The following TCF4 variants were observed in gnomAD, a reference collection of about 807,000 sequenced individuals.
TCF4 encodes the protein transcription factor 4.
A neutral mutation model predicts 82.1 loss-of-function variants in TCF4; 3 were observed. The observed-to-expected ratio is 0.04, with a 90% CI of 0.02 to 0.09. TCF4 has a LOEUF of 0.09. TCF4 is among the 10% of genes least tolerant of loss of function. The pLI, the probability that TCF4 is intolerant of heterozygous loss-of-function variation, is 1.00. For missense variants in TCF4, 518 were observed against 852.7 expected (o/e 0.61, Z 4.89); for synonymous variants, 276 against 309.6 (o/e 0.89, Z 1.14).
chr18:55,480,820 T>C (rs1476492725), intron 3 of TCF4, among the ~76,000 whole-genome samples: 1 of 152,188 alleles, frequency 6.6e-6, no homozygotes, highest in African/African-American at 2.4e-5. Context: ...TGGTGGCTTA[T>C]GGGCCGGGTG....
At chr18:55,272,124 C>A (rs1245370798) in intron 10 of TCF4, among the ~76,000 whole-genome samples, 1 of 152,008 alleles carries the variant, frequency 6.6e-6, no homozygotes, top group Admixed American at 6.6e-5. Context: ...TGGGATTTGA[C>A]AAAGGGTTAA....
chr18:55,273,320 A>C (rs1258685304), intron 10 of TCF4, among the ~76,000 whole-genome samples: 1 of 152,186 alleles, frequency 6.6e-6, no homozygotes, highest in African/African-American at 2.4e-5. Context: ...AGATAATATC[A>C]ACTTGGCCAA....
At chr18:55,556,890 T>C (rs1475592673) in intron 3 of TCF4, among the ~76,000 whole-genome samples, 2 of 152,184 alleles carry the variant, frequency 1.3e-5, no homozygotes, top group Non-Finnish European at 2.9e-5. Flanking sequence ...CAGGTTAATA[T>C]AATCTAAACA....
chr18:55,514,778 A>G (rs2096864619), intron 3 of TCF4, among the ~76,000 whole-genome samples: 1 of 152,148 alleles, frequency 6.6e-6, no homozygotes, highest in Admixed American at 6.5e-5. Context: ...ACGTAAAAAT[A>G]TATGGATGCA....
chr18:55,533,448 T>C (rs1346362188), intron 3 of TCF4, among the ~76,000 whole-genome samples: 3 of 152,170 alleles, frequency 2.0e-5, no homozygotes, highest in Non-Finnish European at 2.9e-5. Flanking sequence ...AATGTTATCC[T>C]GAGAGGGTGG....
At chr18:55,478,899 T>A (rs959505942) in intron 3 of TCF4, among the ~76,000 whole-genome samples, 1 of 150,782 alleles carries the variant, frequency 6.6e-6, no homozygotes, top group Admixed American at 6.7e-5. Flanking sequence ...AAATATTATA[T>A]TGGTGGGAAA....
At chr18:55,337,401 A>C (rs1392237788) in intron 8 of TCF4, among the ~76,000 whole-genome samples, 1 of 152,200 alleles carries the variant, frequency 6.6e-6, no homozygotes, top group Non-Finnish European at 1.5e-5. Context: ...CTAAACATAC[A>C]ATTCGCTCAA....
At chr18:55,242,712 C>T (rs2051676935) in intron 15 of TCF4, among the ~76,000 whole-genome samples, 1 of 151,664 alleles carries the variant, frequency 6.6e-6, no homozygotes, top group African/African-American at 2.4e-5. Context: ...CGGGTTCAAG[C>T]GATTCTCCTG....
chr18:55,529,940 G>A (rs920048298), intron 3 of TCF4, among the ~76,000 whole-genome samples: 3 of 151,980 alleles, frequency 2.0e-5, no homozygotes, highest in Non-Finnish European at 2.9e-5. Context: ...AGGACCTAAC[G>A]CAGTTTTGTG....
At chr18:55,232,222 AATAAGT>A (rs1482878602) in intron 17 of TCF4, 1 of 340,512 alleles carries the variant, frequency 2.9e-6, no homozygotes, top group African/African-American at 2.1e-5. Flanking sequence ...AAATTTGTAG[AATAAGT>A]ATAGTTTTAC....
At chr18:55,437,121 C>T (rs895582372) in intron 5 of TCF4, among the ~76,000 whole-genome samples, 7 of 152,176 alleles carry the variant, frequency 4.6e-5, no homozygotes, top group Non-Finnish European at 7.3e-5. Context: ...CTACACATTA[C>T]AAAAAATAAT....
At chr18:55,388,787 C>G (rs1222503508) in intron 6 of TCF4, among the ~76,000 whole-genome samples, 4 of 152,172 alleles carry the variant, frequency 2.6e-5, no homozygotes, top group African/African-American at 9.7e-5. Context: ...AAACAAATCT[C>G]TCTAAATCTC....
At chr18:55,329,559 AAAAT>A (rs1201491387) in intron 8 of TCF4, among the ~76,000 whole-genome samples, 3 of 152,230 alleles carry the variant, frequency 2.0e-5, no homozygotes, top group African/African-American at 7.2e-5. Flanking sequence ...AAACAGTACT[AAAAT>A]AAGAATGATT....
chr18:55,497,504 C>T (rs970038128), intron 3 of TCF4, among the ~76,000 whole-genome samples: 3 of 152,106 alleles, frequency 2.0e-5, no homozygotes, highest in Non-Finnish European at 4.4e-5. Context: ...TAAGGGGATA[C>T]AATATTTGTC....
chr18:55,237,091 C>T (rs1005273534), intron 15 of TCF4, among the ~76,000 whole-genome samples: 1 of 152,116 alleles, frequency 6.6e-6, no homozygotes, highest in Non-Finnish European at 1.5e-5. Flanking sequence ...CCCATGCAAT[C>T]GTACATGACA....
chr18:55,546,800 G>A (rs2097211048), intron 3 of TCF4: 1 of 152,182 alleles, frequency 6.6e-6, no homozygotes, highest in African/African-American at 2.4e-5. Flanking sequence ...TATCAACACA[G>A]GCTTTACGTT....
At chr18:55,536,864 G>A (rs1470250158) in intron 3 of TCF4, among the ~76,000 whole-genome samples, 2 of 152,186 alleles carry the variant, frequency 1.3e-5, no homozygotes, top group Admixed American at 6.5e-5. Context: ...GCCGGGTGTG[G>A]TGGCTCACGC....
intron 5 of TCF4, among the ~76,000 whole-genome samples, chr18:55,427,894 AACTAG>A (rs1285046700): frequency 9.2e-5 from 14 of 152,236 alleles, no homozygotes; most frequent in Non-Finnish European, 1.3e-4. Flanking sequence ...CTAAATACTT[AACTAG>A]GTGTAATTTA....
chr18:55,285,911 C>T (rs972370717), intron 8 of TCF4, among the ~76,000 whole-genome samples: 11 of 152,158 alleles, frequency 7.2e-5, no homozygotes, highest in Non-Finnish European at 1.5e-4. Flanking sequence ...TGGCAGGATA[C>T]TGGTATCTTA....
Sources: allele counts gnomAD v4.1 joint callset (sites outside exome capture counted in the v4.1 genomes callset), GRCh38; gene constraint gnomAD v4.1.1; transcripts MANE v1.5; gene names NCBI Gene and HGNC (gene_info 2026-07-23, HGNC 2026-07-21).